NCOA3: variants seen among roughly 807,000 people sequenced by gnomAD.
NCOA3 encodes the protein CBP-interacting protein.
NCOA3 carries 51 observed loss-of-function variants against 158.8 expected under a neutral mutation model. That is an observed-to-expected ratio of 0.32 (90% CI 0.26 to 0.41). NCOA3 has a LOEUF of 0.41. NCOA3 is among the 10% of genes least tolerant of loss of function. The probability of loss-of-function intolerance (pLI) is 1.00; values close to 1 mark genes in which losing one functional copy is unlikely to be tolerated. For synonymous variants in NCOA3, 537 were observed against 592.4 expected (o/e 0.91, Z 1.36); for missense variants, 1,510 against 1,746.6 (o/e 0.86, Z 2.41).
At chr20:47,538,912 C>T (rs1025497355) in intron 1 of NCOA3, among the ~76,000 whole-genome samples, 1 of 152,226 alleles carries the variant, frequency 6.6e-6, no homozygotes, top group African/African-American at 2.4e-5. Flanking sequence ...ATGTTATATT[C>T]TCACTTTTCC....
At chr20:47,576,583 T>C (rs779028366) in intron 1 of NCOA3, among the ~76,000 whole-genome samples, 3 of 152,170 alleles carry the variant, frequency 2.0e-5, no homozygotes, top group East Asian at 1.9e-4. Context: ...CTTGAACTTA[T>C]TGTGTTCTTT....
chr20:47,547,724 G>GTTGGTT (rs2146145892), intron 1 of NCOA3, among the ~76,000 whole-genome samples: 2 of 150,938 alleles, frequency 1.3e-5, no homozygotes, highest in African/African-American at 4.9e-5. Context: ...GGCCCGTTTT[G>GTTGGTT]TTATTTTTTG....
At chr20:47,517,929 C>G (rs1172220102) in intron 1 of NCOA3, among the ~76,000 whole-genome samples, 3 of 152,100 alleles carry the variant, frequency 2.0e-5, no homozygotes, top group Non-Finnish European at 4.4e-5. Flanking sequence ...TACTCTAAGG[C>G]TGATATGATT....
At chr20:47,540,634 CTG>C (rs2084709125) in intron 1 of NCOA3, among the ~76,000 whole-genome samples, 1 of 151,858 alleles carries the variant, frequency 6.6e-6, no homozygotes, top group Admixed American at 6.6e-5. Context: ...CTCTGTGGGT[CTG>C]TGTGTATACA....
intron 12 of NCOA3, 76 bp downstream of exon 12, chr20:47,636,838 C>T: frequency 7.4e-7 from 1 of 1,349,618 alleles, no homozygotes; most frequent in Non-Finnish European, 1.0e-6. Flanking sequence ...AAAAATTCTT[C>T]CATTTTAGGT....
chr20:47,582,739 A>G (rs1168398078), intron 1 of NCOA3, among the ~76,000 whole-genome samples: 1 of 152,166 alleles, frequency 6.6e-6, no homozygotes, highest in Non-Finnish European at 1.5e-5. Flanking sequence ...TCCTAGGAAG[A>G]GGTGGTGTAC....
At chr20:47,573,266 G>A (rs72662712) in intron 1 of NCOA3, among the ~76,000 whole-genome samples, 149 of 152,190 alleles carry the variant, frequency 9.8e-4, no homozygotes, top group African/African-American at 3.5e-3. Flanking sequence ...GCTGGCAGGC[G>A]CCTATAACCC....
chr20:47,626,229 A>G (rs1438170023), intron 5 of NCOA3, among the ~76,000 whole-genome samples: 1 of 152,222 alleles, frequency 6.6e-6, no homozygotes, highest in Admixed American at 6.5e-5. Flanking sequence ...TAACTTGTCA[A>G]CTTCTTTTTG....
intron 1 of NCOA3, among the ~76,000 whole-genome samples, chr20:47,527,774 C>A (rs973692573): frequency 5.3e-5 from 8 of 152,188 alleles, no homozygotes; most frequent in Non-Finnish European, 1.0e-4. Context: ...CTCACCAACA[C>A]TTGGTATTAA....
chr20:47,532,471 A>T (rs936119354), intron 1 of NCOA3, among the ~76,000 whole-genome samples: 1 of 152,142 alleles, frequency 6.6e-6, no homozygotes, highest in Non-Finnish European at 1.5e-5. Context: ...TTCATTTTTT[A>T]AAAAATAGCA....
At chr20:47,588,167 C>G (rs1013701299) in intron 2 of NCOA3, among the ~76,000 whole-genome samples, 14 of 89,874 alleles carry the variant, frequency 1.6e-4, no homozygotes, top group South Asian at 3.8e-4. Context: ...TTGAGGCAGT[C>G]TTGGTTGCTC....
chr20:47,627,921 G>C lies in NCOA3; in HGVS notation c.722-1G>C. ...TTACCAGGGTGAATTTTTTATTGTA[G>C]ATTTGCAATCTTGTATGATCTGTGT... is the stretch of plus-strand genomic sequence containing the variant. On this transcript the variant is annotated splice_acceptor_variant, in intron 7 of 22. Coordinates refer to ENST00000371998, the MANE Select transcript of NCOA3 (RefSeq NM_181659.3). LOFTEE classifies it high-confidence loss of function. 3 of 1,612,724 alleles carry C rather than the reference G, an allele frequency of 1.9e-6. No individual in the cohort carries two copies. The highest frequency in any genetic ancestry group is 2.5e-6 in the Non-Finnish European group (3 of 1,179,218).
intron 1 of NCOA3, among the ~76,000 whole-genome samples, chr20:47,558,987 T>C (rs1809224658): frequency 1.3e-5 from 2 of 152,194 alleles, no homozygotes; most frequent in South Asian, 2.1e-4. Flanking sequence ...GTAACAGTGA[T>C]GGCATCTTCA....
chr20:47,570,939 T>TACACACACACAC (rs71183265), intron 1 of NCOA3, among the ~76,000 whole-genome samples: 1 of 114,976 alleles, frequency 8.7e-6, no homozygotes, highest in African/African-American at 3.5e-5. Flanking sequence ...GTAATATATA[T>TACACACACACAC]ACACACACAC....
intron 1 of NCOA3, among the ~76,000 whole-genome samples, chr20:47,570,154 A>T (rs2085268934): frequency 6.6e-6 from 1 of 152,158 alleles, no homozygotes; most frequent in Non-Finnish European, 1.5e-5. Flanking sequence ...TTATTTGGTC[A>T]TCTATAAGAA....
At chr20:47,545,270 G>A (rs547676028) in intron 1 of NCOA3, among the ~76,000 whole-genome samples, 2 of 150,606 alleles carry the variant, frequency 1.3e-5, no homozygotes, top group South Asian at 2.1e-4. Context: ...TCTGTCTTCC[G>A]GGTTCAAGGG....
chr20:47,617,439 G>A (rs1361123314), intron 2 of NCOA3, among the ~76,000 whole-genome samples: 1 of 152,168 alleles, frequency 6.6e-6, no homozygotes, highest in African/African-American at 2.4e-5. Flanking sequence ...GAACTTCATG[G>A]TCTTGGTACC....
intron 1 of NCOA3, among the ~76,000 whole-genome samples, chr20:47,514,672 G>A (rs540058119): frequency 1.3e-5 from 2 of 150,422 alleles, no homozygotes; most frequent in Admixed American, 1.3e-4. Flanking sequence ...GGGATCACAG[G>A]TGTGCTGTTT....
At chr20:47,632,124 A>G (rs2086428190) in intron 8 of NCOA3, among the ~76,000 whole-genome samples, 1 of 152,172 alleles carries the variant, frequency 6.6e-6, no homozygotes, top group Admixed American at 6.5e-5. Flanking sequence ...CTGGCTATAA[A>G]TTGGGCTTCT....
Sources: gnomAD v4.1 joint callset for allele counts (sites outside exome capture counted in the v4.1 genomes callset) on GRCh38, gnomAD v4.1.1 for gene constraint, MANE v1.5 for transcripts, NCBI Gene and HGNC (gene_info 2026-07-23, HGNC 2026-07-21) for gene names.